Variants in EHMT2 observed in about 807,000 individuals in gnomAD.
EHMT2 encodes the protein histone-lysine N-methyltransferase EHMT2.
EHMT2 carries 59 observed loss-of-function variants against 143.3 expected under a neutral mutation model. The observed-to-expected ratio is 0.41, with a 90% CI of 0.33 to 0.51. The LOEUF (loss-of-function observed/expected upper bound fraction) is 0.51. EHMT2 is among the 20% of genes least tolerant of loss of function. The probability of loss-of-function intolerance (pLI) is 0.18; values close to 1 mark genes in which losing one functional copy is unlikely to be tolerated. For missense variants in EHMT2, 1,174 were observed against 1,645.9 expected (o/e 0.71, Z 4.96); for synonymous variants, 604 against 651.5 (o/e 0.93, Z 1.11).
At position 31,880,991 on chromosome 6, in the gene EHMT2, G is replaced by A. The variant is rs781148196; in HGVS notation, c.3276+23C>T. On this transcript the variant is annotated intron_variant, in intron 26 of 27. Transcript: ENST00000375537. This position sits in a 1 kb window ranked among gnomAD's most constrained non-coding sequence, Gnocchi z 6.6. Reference sequence around the variant, plus strand: ...GAAAGCCAGCCCTGGGGAGCAGCAGGGTAAGGAGGGTCTCCTGCTCACCTT... The same window carrying A: ...GAAAGCCAGCCCTGGGGAGCAGCAGAGTAAGGAGGGTCTCCTGCTCACCTT... 3 of 1,611,168 alleles carry A rather than the reference G, an allele frequency of 1.9e-6. No homozygotes were observed. Among genetic ancestry groups the A allele is most frequent in the Admixed American group, 1.7e-5 (1 of 60,012 alleles).
intron 3 of EHMT2, 35 bp downstream of exon 3, chr6:31,896,571 T>G: frequency 6.3e-7 from 1 of 1,595,066 alleles, no homozygotes; most frequent in Non-Finnish European, 8.5e-7. Flanking sequence ...AGTCAGAAAT[T>G]TCCCACCAAC....
exon 7 of EHMT2, chr6:31,892,437 A>G: frequency 2.5e-6 from 4 of 1,612,986 alleles, no homozygotes; most frequent in Non-Finnish European, 3.4e-6. Context: ...GCTCATCCAC[A>G]GAGTAGGAAT....
At position 31,881,131 on chromosome 6, in the gene EHMT2, G is replaced by A; in HGVS notation, c.3198-39C>T. ...ATCCATGGTTCTGAAGGTGAGTGTG[G>A]GCTATTAGGAGGTGGCTCCAGGCCC... On this transcript the variant is annotated intron_variant, in intron 25 of 27. Transcript: ENST00000375537. This position sits in a 1 kb window ranked among gnomAD's most constrained non-coding sequence, Gnocchi z 4.8. 1 of 1,577,266 alleles carries A rather than the reference G, an allele frequency of 6.3e-7. No individual in the cohort carries two copies. Among genetic ancestry groups the A allele is most frequent in the Non-Finnish European group, 8.7e-7 (1 of 1,147,888 alleles).
intron 18 of EHMT2, chr6:31,886,263 G>A (rs1764830589): frequency 2.7e-6 from 1 of 366,382 alleles, no homozygotes; most frequent in Non-Finnish European, 4.9e-6. Context: ...GGACAATGAT[G>A]GAATAATTCA....
chr6:31,880,418 C>T lies in EHMT2; in HGVS notation c.3453-154G>A. ...GCCCCTTGTATGTTCTATGGACTTT[C>T]AGCATCAGCATTGCCTGGGGACTTT... On this transcript the variant is annotated intron_variant, in intron 27 of 27. Coordinates refer to ENST00000375537, the Ensembl canonical transcript of EHMT2. This position sits in a 1 kb window ranked among gnomAD's most constrained non-coding sequence, Gnocchi z 6.6. 1.1e-6 allele frequency: 1 copy of T among 921,208 alleles called. No homozygotes were observed. Among genetic ancestry groups the T allele is most frequent in the Non-Finnish European group, 1.6e-6 (1 of 626,960 alleles). The allele number at this position is 921,208 out of a possible 1,614,324, so 57.1% of individuals were successfully genotyped here. A position where few individuals can be genotyped will look rare whatever the true frequency, so the allele number is the denominator to read the frequency against.
In EHMT2 at chr6:31,884,884, G is replaced by GC; in HGVS notation, c.2448+27dup. 1 of 1,591,098 alleles carries GC rather than the reference G, an allele frequency of 6.3e-7. No homozygotes were observed. ...CCACCTTGCTCAGGGGCCTGGGGCTGCCCTACCTCAACCAAACGCTCACTC... is the reference window on the plus strand; with the variant it reads ...CCACCTTGCTCAGGGGCCTGGGGCTGCCCCTACCTCAACCAAACGCTCACTC... On this transcript the variant is annotated intron_variant, in intron 19 of 27. Transcript: ENST00000375537. This position sits in a 1 kb window ranked among gnomAD's most constrained non-coding sequence, Gnocchi z 7.3.
At position 31,884,893 on chromosome 6, in the gene EHMT2, C is replaced by T; in HGVS notation, c.2448+19G>A. ...TCAGGGGCCTGGGGCTGCCCTACCT[C>T]AACCAAACGCTCACTCACGTTGTCA... On this transcript the variant is annotated intron_variant, in intron 19 of 27. Coordinates refer to ENST00000375537, the Ensembl canonical transcript of EHMT2. This position sits in a 1 kb window ranked among gnomAD's most constrained non-coding sequence, Gnocchi z 7.3. 1 of 1,594,526 alleles carries T rather than the reference C, an allele frequency of 6.3e-7. No individual in the cohort carries two copies. Among genetic ancestry groups the T allele is most frequent in the Non-Finnish European group, 8.6e-7 (1 of 1,165,254 alleles).
rs759061931 is a variant in EHMT2, at chr6:31,880,657, A to AC, written c.3452+15dup. On this transcript the variant is annotated intron_variant, in intron 27 of 27. Transcript: ENST00000375537. This position sits in a 1 kb window ranked among gnomAD's most constrained non-coding sequence, Gnocchi z 6.6. ...CCACCCCCTGGCAGAGCCCCTAGAG[A>AC]CCCCTAGAGTCTCACCCTAGCTCCT... is the stretch of plus-strand genomic sequence containing the variant. The AC allele has an allele frequency of 6.2e-7, 1 of 1,610,636 alleles. No homozygotes were observed. Among genetic ancestry groups the AC allele is most frequent in the African/African-American group, 1.3e-5 (1 of 74,502 alleles).
rs1247229452 is a variant in EHMT2 at position 31,897,617 on chromosome 6, T to C, written c.42+19A>G. The C allele has an allele frequency of 8.8e-7, 1 of 1,131,560 alleles. No individual in the cohort carries two copies. Among genetic ancestry groups the C allele is most frequent in the Non-Finnish European group, 1.1e-6 (1 of 924,272 alleles). 70.1% of individuals were successfully genotyped at this position (1,131,560 alleles called of 1,614,324 possible). Reference sequence around the variant, plus strand: ...GCGCGCGCGGGCATGCACCCGCCTCTCCCCCTCCCCTTCCGCACCTCGGCG... The same window carrying C: ...GCGCGCGCGGGCATGCACCCGCCTCCCCCCCTCCCCTTCCGCACCTCGGCG... On this transcript the variant is annotated intron_variant, in intron 1 of 27. Transcript: ENST00000375537.
In EHMT2 at chr6:31,888,137, C is replaced by A; in HGVS notation, c.1649G>T (p.Arg550Leu). 1 of 1,612,456 alleles carries A rather than the reference C, an allele frequency of 6.2e-7. No individual in the cohort carries two copies. Among genetic ancestry groups the A allele is most frequent in the Non-Finnish European group, 8.5e-7 (1 of 1,179,798 alleles). The stretch of plus-strand genomic sequence containing the variant: ...GGCCGGTGGGGTCACCCCGTCACCC[C>A]GGGGGATGGTCACCTCTTGAGCTTC... The change falls in exon 13 of 28, where the codon CGG becomes CTG. Residue 550 changes from arginine (R) to leucine (L), a missense_variant. This residue lies in a region of EHMT2 where 608 missense variants were observed against 903.7 expected (regional missense o/e 0.67). Coordinates refer to ENST00000375537, the Ensembl canonical transcript of EHMT2. The surrounding 1 kb of genome is among the most constrained non-coding windows in gnomAD (Gnocchi z 7.4).
chr6:31,896,172 T>A (rs1437066796), intron 4 of EHMT2, 91 bp downstream of exon 4: 1 of 1,504,616 alleles, frequency 6.6e-7, no homozygotes, highest in African/African-American at 1.4e-5. Flanking sequence ...AATATGTGAA[T>A]GAGTAAATGG....
At position 31,883,601 on chromosome 6, in the gene EHMT2, G is replaced by T; in HGVS notation, c.2917-162C>A. The T allele has an allele frequency of 1.0e-6, 1 of 976,322 alleles. No individual in the cohort carries two copies. The highest frequency in any genetic ancestry group is 1.6e-6 in the Non-Finnish European group (1 of 640,620). The allele number at this position is 976,322 out of a possible 1,614,324, so 60.5% of individuals were successfully genotyped here. A position where few individuals can be genotyped will look rare whatever the true frequency, so the allele number is the denominator to read the frequency against. On this transcript the variant is annotated intron_variant, in intron 22 of 27. Transcript: ENST00000375537. This position sits in a 1 kb window ranked among gnomAD's most constrained non-coding sequence, Gnocchi z 5.6. ...GGTGACGGGTAATCAGTATGGTGGT[G>T]TCCCCAGGGCTACTGGGAGCTCATA...
chr6:31,880,403 T>C lies in EHMT2; in HGVS notation c.3453-139A>G, dbSNP rs1763950948. ...CCAGATGGGATCTGAGCCCCTTGTA[T>C]GTTCTATGGACTTTCAGCATCAGCA... is the stretch of plus-strand genomic sequence containing the variant. On this transcript the variant is annotated intron_variant, in intron 27 of 27. Transcript: ENST00000375537. This position sits in a 1 kb window ranked among gnomAD's most constrained non-coding sequence, Gnocchi z 6.6. 2.0e-6 allele frequency: 2 copies of C among 1,019,386 alleles called. No homozygotes were observed. The highest frequency in any genetic ancestry group is 1.6e-5 in the African/African-American group (1 of 61,712). The allele number at this position is 1,019,386 out of a possible 1,614,324, so 63.1% of individuals were successfully genotyped here.
At position 31,892,913 on chromosome 6, in the gene EHMT2, G is replaced by A. The variant is rs777959866; in HGVS notation, c.583-3C>T. 2 of 1,563,834 alleles carry A rather than the reference G, an allele frequency of 1.3e-6. No individual in the cohort carries two copies. The highest frequency in any genetic ancestry group is 1.7e-6 in the Non-Finnish European group (2 of 1,154,440). On this transcript the variant is annotated splice_region_variant and splice_polypyrimidine_tract_variant and intron_variant, in intron 4 of 27. Coordinates refer to ENST00000375537, the Ensembl canonical transcript of EHMT2. ...GGCCGCTTCTCAGGGACCGGGGGCT[G>A]TGGGCCGAGAGGGAGCACACTGAGG...
intron 18 of EHMT2, chr6:31,885,657 T>C (rs1263960829): frequency 6.6e-6 from 1 of 152,282 alleles, no homozygotes; most frequent in African/African-American, 2.4e-5. Flanking sequence ...ATTTCGAGGC[T>C]GCAGAGAGCT....
Position 31,883,745 on chromosome 6 carries a change from G to C in EHMT2, c.2916+61C>G. 2 of 1,585,474 alleles carry C rather than the reference G, an allele frequency of 1.3e-6. No individual in the cohort carries two copies. The highest frequency in any genetic ancestry group is 1.1e-5 in the South Asian group (1 of 90,084). ...AGGTGCCTTTGCTGGTTTGAAGCTTGTCCAACTGTACTTGGCAGCTCTCGG... is the reference window on the plus strand; with the variant it reads ...AGGTGCCTTTGCTGGTTTGAAGCTTCTCCAACTGTACTTGGCAGCTCTCGG... On this transcript the variant is annotated intron_variant, in intron 22 of 27. Coordinates refer to ENST00000375537, the Ensembl canonical transcript of EHMT2. This position sits in a 1 kb window ranked among gnomAD's most constrained non-coding sequence, Gnocchi z 5.6.
intron 7 of EHMT2, among the ~76,000 whole-genome samples, chr6:31,890,946 A>ATT (rs1020247892): frequency 6.9e-6 from 1 of 145,674 alleles, no homozygotes. Context: ...ACAAAAAAAA[A>ATT]TTTTTTTTTT....
At chr6:31,897,682 G>A (rs947552406) in exon 1 of EHMT2, 5 of 1,121,854 alleles carry the variant, frequency 4.5e-6, no homozygotes, top group South Asian at 8.8e-5. Context: ...CGCCATCGCC[G>A]CTTGCGCTGG....
In EHMT2 at chr6:31,882,694, C is replaced by G; in HGVS notation, c.3197+5G>C. 6.2e-7 allele frequency: 1 copy of G among 1,611,846 alleles called. No homozygotes were observed. Among genetic ancestry groups the G allele is most frequent in the Non-Finnish European group, 8.5e-7 (1 of 1,179,708 alleles). ...CCAGGTGTTAAGGTGCTCCCGGTGA[C>G]TTACTCGCAGATGAAGGTCCCCTGT... On this transcript the variant is annotated splice_donor_5th_base_variant and intron_variant, in intron 25 of 27. Transcript: ENST00000375537.
Sources: gnomAD v4.1 joint callset for allele counts (sites outside exome capture counted in the v4.1 genomes callset) on GRCh38, gnomAD v4.1.1 for gene constraint, gnomAD v4.1.1 regional missense constraint, Gnocchi (gnomAD v3.1) non-coding constraint, MANE v1.5 for transcripts, NCBI Gene and HGNC (gene_info 2026-07-23, HGNC 2026-07-21) for gene names.